The following MSH3 variants were observed in gnomAD, a reference collection of about 807,000 sequenced individuals.
MSH3 encodes the protein mutS homolog 3.
In MSH3, 106 loss-of-function variants were observed where a neutral mutation model predicts 123.3. That is an observed-to-expected ratio of 0.86 (90% CI 0.73 to 1.01). The LOEUF (loss-of-function observed/expected upper bound fraction) is 1.01, where lower values mean the gene tolerates loss of function less well. Ranked by LOEUF, MSH3 falls within the 50% of genes least tolerant of loss-of-function variation. MSH3 has a pLI of 0.00. For synonymous variants in MSH3, 515 were observed against 481.4 expected, an observed-to-expected ratio of 1.07 and a Z score of -0.91; for missense variants, 1,459 against 1,347.6, an observed-to-expected ratio of 1.08 and a Z score of -1.29.
intron 8 of MSH3, among the ~76,000 whole-genome samples, chr5:80,720,469 C>T (rs1474703845): frequency 6.7e-6 from 1 of 149,684 alleles, no homozygotes. Flanking sequence ...AAAATTTCCC[C>T]CTTTCATTTC....
chr5:80,850,196 G>T (rs1330249994), intron 20 of MSH3, among the ~76,000 whole-genome samples: 1 of 152,134 alleles, frequency 6.6e-6, no homozygotes, highest in Non-Finnish European at 1.5e-5. Flanking sequence ...GGACCTTATT[G>T]TTCATATCAC....
intron 20 of MSH3, 55 bp downstream of exon 20, chr5:80,813,796 T>G (rs1745052331): frequency 1.3e-5 from 21 of 1,580,904 alleles, no homozygotes; most frequent in Non-Finnish European, 1.8e-5. Context: ...AAGCCCACAT[T>G]ATCGCATGAA....
chr5:80,839,537 T>C (rs570403066), intron 20 of MSH3, among the ~76,000 whole-genome samples: 1 of 152,334 alleles, frequency 6.6e-6, no homozygotes, highest in South Asian at 2.1e-4. Flanking sequence ...CTGTGTATTT[T>C]AATCCACTGG....
Position 80,756,436 on chromosome 5 carries a change from G to T in MSH3, c.1764-5110G>T, listed in dbSNP as rs565866976. ...CTGGTATTCCTGACACTGTTCTTAT[G>T]TGCATCCAGACTATTAGCCTTGGAT... On this transcript the variant is annotated intron_variant, in intron 12 of 23. Transcript: ENST00000265081. Among the ~76,000 whole-genome samples, 5 of 152,190 alleles carry T rather than the reference G, an allele frequency of 3.3e-5. No homozygotes were observed. The South Asian group carries it at 1.0e-3, about 32-fold the overall frequency.
At chr5:80,870,082 G>A (rs2112125002) in intron 22 of MSH3, among the ~76,000 whole-genome samples, 1 of 147,556 alleles carries the variant, frequency 6.8e-6, no homozygotes, top group East Asian at 2.0e-4. Context: ...GCTGAGGCAG[G>A]AGAATCACTT....
intron 15 of MSH3, among the ~76,000 whole-genome samples, chr5:80,771,477 CA>C (rs61460666): frequency 0.042 from 4,132 of 99,236 alleles, 140 homozygotes; most frequent in African/African-American, 0.12. Context: ...AACCCTGTCT[CA>C]AAAAAAAAAA....
At chr5:80,804,503 C>G (rs368201353) in intron 19 of MSH3, among the ~76,000 whole-genome samples, 1 of 152,262 alleles carries the variant, frequency 6.6e-6, no homozygotes, top group African/African-American at 2.4e-5. Context: ...CACCCCAAGT[C>G]CAGTAATACT....
At chr5:80,814,657 G>A (rs1169092415) in intron 20 of MSH3, among the ~76,000 whole-genome samples, 1 of 152,192 alleles carries the variant, frequency 6.6e-6, no homozygotes, top group Non-Finnish European at 1.5e-5. Context: ...GGGGTAGAAG[G>A]CTTGGAGACT....
chr5:80,775,126 A>G (rs537627693), intron 15 of MSH3, among the ~76,000 whole-genome samples: 3 of 152,188 alleles, frequency 2.0e-5, no homozygotes, highest in Non-Finnish European at 4.4e-5. Flanking sequence ...TATGGTTCAT[A>G]TAAGTGAAAA....
chr5:80,679,227 T>G (rs529907347), intron 8 of MSH3, 134 bp downstream of exon 8: 2 of 866,216 alleles, frequency 2.3e-6, no homozygotes, highest in South Asian at 3.3e-5. Context: ...AGTGGAAATT[T>G]AAAAAAAAAA....
At chr5:80,720,446 T>A (rs1751055790) in intron 8 of MSH3, among the ~76,000 whole-genome samples, 2 of 152,208 alleles carry the variant, frequency 1.3e-5, no homozygotes, top group Middle Eastern at 3.4e-3. Context: ...TTCATTTCTT[T>A]TTGACTTTGA....
chr5:80,729,023 A>G, intron 10 of MSH3, 58 bp downstream of exon 10: 3 of 1,026,756 alleles, frequency 2.9e-6, no homozygotes, highest in Non-Finnish European at 4.6e-6. Context: ...ACATTTCTTA[A>G]ATTGAATTTG....
chr5:80,776,618 G>T (rs924174092), intron 16 of MSH3, among the ~76,000 whole-genome samples: 2 of 151,824 alleles, frequency 1.3e-5, no homozygotes, highest in Admixed American at 1.3e-4. Flanking sequence ...TCCTTGGTTA[G>T]ATACTAATCT....
chr5:80,687,133 A>G (rs908264642), intron 8 of MSH3, among the ~76,000 whole-genome samples: 1 of 152,220 alleles, frequency 6.6e-6, no homozygotes, highest in Non-Finnish European at 1.5e-5. Flanking sequence ...AAATAATGAT[A>G]CACTATCAAT....
chr5:80,847,266 G>A (rs1191560016), intron 20 of MSH3, among the ~76,000 whole-genome samples: 1 of 151,754 alleles, frequency 6.6e-6, no homozygotes, highest in Non-Finnish European at 1.5e-5. Flanking sequence ...TGCCATGTTG[G>A]CCAGGCTGGT....
rs6151790 is a variant in MSH3 at position 80,761,034 on chromosome 5, G to T, written c.1764-512G>T. 8.0e-3 allele frequency among the ~76,000 whole-genome samples: 1,214 copies of T among 152,242 alleles called. 17 individuals carry two copies. Among genetic ancestry groups the T allele is most frequent in the African/African-American group, 0.028 (1,172 of 41,536 alleles). ...TCTTTGATTCAGATAATAATAAGAG[G>T]CATGGAAGGACCAGATATATTGTTG... On this transcript the variant is annotated intron_variant, in intron 12 of 23. Coordinates refer to ENST00000265081, the MANE Select transcript of MSH3 (RefSeq NM_002439.5).
At chr5:80,662,406 A>AATATTTATTATTCAAT (rs1749455611) in intron 2 of MSH3, among the ~76,000 whole-genome samples, 1 of 81,948 alleles carries the variant, frequency 1.2e-5, no homozygotes, top group East Asian at 2.1e-4. Flanking sequence ...TTAGGCAGTG[A>AATATTTATTATTCAAT]GTATTTATTA....
chr5:80,868,698 C>G (rs1427248056), intron 22 of MSH3, among the ~76,000 whole-genome samples: 1 of 149,376 alleles, frequency 6.7e-6, no homozygotes, highest in Non-Finnish European at 1.5e-5. Context: ...ATTAAATAAT[C>G]AGTACAGCAA....
Position 80,674,926 on chromosome 5 carries a change from T to A in MSH3, c.1028-57T>A, listed in dbSNP as rs139015837. ...GAAAATAGTTAATATTATTGGAAAT[T>A]TAGCATATTAGGATTTAGAATTTAG... On this transcript the variant is annotated intron_variant, in intron 6 of 23. Transcript: ENST00000265081. 1.1e-5 allele frequency: 15 copies of A among 1,344,524 alleles called. No individual in the cohort carries two copies. In the African/African-American group the frequency reaches 1.9e-4, roughly 17 times the overall value. The allele number at this position is 1,344,524 out of a possible 1,614,324, so 83.3% of individuals were successfully genotyped here. A position where few individuals can be genotyped will look rare whatever the true frequency, so the allele number is the denominator to read the frequency against.
Sources: allele counts gnomAD v4.1 joint callset (sites outside exome capture counted in the v4.1 genomes callset), GRCh38; gene constraint gnomAD v4.1.1; transcripts MANE v1.5; gene names NCBI Gene and HGNC (gene_info 2026-07-23, HGNC 2026-07-21).